Variants in FA2H observed in about 807,000 individuals in gnomAD.
FA2H encodes the protein fatty acid 2-hydroxylase.
Under a neutral mutation model 44.9 loss-of-function variants are expected in FA2H, and 22 were observed. The ratio of observed to expected loss-of-function variants is 0.49; its 90% CI spans 0.35 to 0.70. The LOEUF (loss-of-function observed/expected upper bound fraction) is 0.70, where lower values mean the gene tolerates loss of function less well. Ranked by LOEUF, FA2H falls within the 30% of genes least tolerant of loss-of-function variation. The pLI is 0.01. For synonymous variants in FA2H, 243 were observed against 213.2 expected (o/e 1.14, Z -1.22); for missense variants, 501 against 504.9 (o/e 0.99, Z 0.07).
intron 1 of FA2H, among the ~76,000 whole-genome samples, chr16:74,774,130 G>C (rs893801220): frequency 2.0e-5 from 3 of 152,074 alleles, no homozygotes; most frequent in Non-Finnish European, 4.4e-5. Context: ...TGAAGAGGAA[G>C]GAAAGCCGAG....
At chr16:74,720,485 C>G (rs1326440883) in intron 4 of FA2H, among the ~76,000 whole-genome samples, 1 of 151,874 alleles carries the variant, frequency 6.6e-6, no homozygotes, top group African/African-American at 2.4e-5. Flanking sequence ...TATGAGCCAC[C>G]GTGCCCAGCC....
intron 1 of FA2H, among the ~76,000 whole-genome samples, chr16:74,758,005 T>A (rs2144655231): frequency 6.6e-6 from 1 of 151,826 alleles, no homozygotes; most frequent in South Asian, 2.1e-4. Context: ...GGTGATAGAG[T>A]GAGAGCCTGT....
Position 74,741,862 on chromosome 16 carries a change from G to GTGTA in FA2H, c.271-1748_271-1747insTACA, listed in dbSNP as rs61247406. Among the ~76,000 whole-genome samples the GTGTA allele has an allele frequency of 5.5e-3, 803 of 144,824 alleles. 6 individuals carry two copies. Among genetic ancestry groups the GTGTA allele is most frequent in the African/African-American group, 0.02 (753 of 38,366 alleles). On this transcript the variant is annotated intron_variant, in intron 1 of 6. Transcript: ENST00000219368. ...TATGTGTGTGTATGTGTGTATGTGT[G>GTGTA]TGTGTGTATGTGTGTGTGTGTGTAT...
chr16:74,729,662 T>C (rs1039820246), intron 2 of FA2H, among the ~76,000 whole-genome samples: 1 of 152,186 alleles, frequency 6.6e-6, no homozygotes, highest in African/African-American at 2.4e-5. Flanking sequence ...GCTGGGTTAA[T>C]CTGGACCGAA....
chr16:74,733,798 G>T (rs1040258847), intron 2 of FA2H, among the ~76,000 whole-genome samples: 3 of 152,216 alleles, frequency 2.0e-5, no homozygotes, highest in Admixed American at 6.5e-5. Context: ...GGGGTGGGCA[G>T]CGCTGCTGAC....
intron 1 of FA2H, among the ~76,000 whole-genome samples, chr16:74,755,445 G>T (rs893930836): frequency 5.9e-5 from 9 of 152,168 alleles, no homozygotes; most frequent in Non-Finnish European, 1.0e-4. Flanking sequence ...CTCCCAAAGT[G>T]CATTTCTGTT....
At chr16:74,726,447 G>A (rs1403839936) in intron 3 of FA2H, 116 bp from the exon 4 acceptor site, 1 of 696,582 alleles carries the variant, frequency 1.4e-6, no homozygotes, top group African/African-American at 1.8e-5. Flanking sequence ...GGAGTGCAAT[G>A]GCGTGATTTC....
At chr16:74,757,911 T>C (rs1240921432) in intron 1 of FA2H, among the ~76,000 whole-genome samples, 4 of 152,046 alleles carry the variant, frequency 2.6e-5, no homozygotes, top group African/African-American at 9.6e-5. Flanking sequence ...CCCAGCTATT[T>C]GGGAGGCTAA....
chr16:74,754,853 A>G (rs557004522), intron 1 of FA2H, among the ~76,000 whole-genome samples: 2 of 152,210 alleles, frequency 1.3e-5, no homozygotes, highest in South Asian at 4.2e-4. Flanking sequence ...GATGTAATCA[A>G]TGTAAGATGA....
At chr16:74,753,217 C>T (rs577220158) in intron 1 of FA2H, among the ~76,000 whole-genome samples, 1 of 152,206 alleles carries the variant, frequency 6.6e-6, no homozygotes, top group Non-Finnish European at 1.5e-5. Context: ...CAAAGTCACA[C>T]CGCCAGTTAG....
At chr16:74,735,303 G>A (rs1044922162) in intron 2 of FA2H, among the ~76,000 whole-genome samples, 22 of 152,240 alleles carry the variant, frequency 1.4e-4, no homozygotes, top group African/African-American at 5.1e-4. Context: ...TCTTGGTGGC[G>A]TTGCCGGAGT....
intron 1 of FA2H, among the ~76,000 whole-genome samples, chr16:74,749,029 C>A (rs991572083): frequency 1.3e-5 from 2 of 152,104 alleles, no homozygotes; most frequent in South Asian, 4.1e-4. Context: ...AAGGGGCAGG[C>A]CCCAGAGGGA....
At position 74,750,551 on chromosome 16, in the gene FA2H, G is replaced by A. The variant is rs550496882; in HGVS notation, c.271-10436C>T. Among the ~76,000 whole-genome samples, 33 of 152,212 alleles carry A rather than the reference G, an allele frequency of 2.2e-4. No individual in the cohort carries two copies. In the South Asian group the frequency reaches 6.9e-3, roughly 32 times the overall value. Reference sequence around the variant, plus strand: ...TATTTAAAAAACCCAAACAACAAGAGCAGCAACAACAACAACACCCTCCCT... The same window carrying A: ...TATTTAAAAAACCCAAACAACAAGAACAGCAACAACAACAACACCCTCCCT... On this transcript the variant is annotated intron_variant, in intron 1 of 6. Transcript: ENST00000219368.
intron 2 of FA2H, among the ~76,000 whole-genome samples, chr16:74,731,465 C>T (rs965702992): frequency 2.0e-5 from 3 of 152,120 alleles, no homozygotes; most frequent in African/African-American, 7.2e-5. Flanking sequence ...TCAATTGAAG[C>T]ATTAAATCTA....
rs572343860 is a variant in FA2H, at chr16:74,755,009, G to T, written c.271-14894C>A. ...AGAGATGGAAGCGATACAACTACAA[G>T]CCAAGAAACACCAAAGGACAGCAGC... is the stretch of plus-strand genomic sequence containing the variant. On this transcript the variant is annotated intron_variant, in intron 1 of 6. Coordinates refer to ENST00000219368, the MANE Select transcript of FA2H (RefSeq NM_024306.5). Among the ~76,000 whole-genome samples, 129 of 152,280 alleles carry T rather than the reference G, an allele frequency of 8.5e-4. 1 individual carries two copies. The highest frequency in any genetic ancestry group is 1.0e-3 in the Non-Finnish European group (70 of 68,024).
intron 6 of FA2H, among the ~76,000 whole-genome samples, chr16:74,714,576 G>A (rs2144599368): frequency 7.3e-6 from 1 of 136,816 alleles, no homozygotes; most frequent in South Asian, 2.2e-4. Context: ...GTTCATTCCT[G>A]CCTCAGGGCT....
intron 4 of FA2H, among the ~76,000 whole-genome samples, chr16:74,724,286 C>T (rs975297396): frequency 3.9e-5 from 6 of 152,178 alleles, no homozygotes; most frequent in African/African-American, 1.4e-4. Context: ...TGCCGGGCCC[C>T]GCACACCACC....
intron 1 of FA2H, among the ~76,000 whole-genome samples, chr16:74,750,353 A>C (rs1962506507): frequency 6.6e-6 from 1 of 152,374 alleles, no homozygotes; most frequent in South Asian, 2.1e-4. Flanking sequence ...TAAAAGGAGA[A>C]TCAAGACTAT....
At chr16:74,735,720 G>A (rs1962167519) in intron 2 of FA2H, among the ~76,000 whole-genome samples, 1 of 152,122 alleles carries the variant, frequency 6.6e-6, no homozygotes, top group Admixed American at 6.5e-5. Flanking sequence ...AAGATGCAGG[G>A]TTGCAATCCC....
Sources: allele counts gnomAD v4.1 joint callset (sites outside exome capture counted in the v4.1 genomes callset), GRCh38; gene constraint gnomAD v4.1.1; transcripts MANE v1.5; gene names NCBI Gene and HGNC (gene_info 2026-07-23, HGNC 2026-07-21).